Variants in PCM1 observed in about 807,000 individuals in gnomAD.
PCM1 encodes pericentriolar material 1 protein.
A neutral mutation model predicts 241.9 loss-of-function variants in PCM1; 157 were observed. The ratio of observed to expected loss-of-function variants is 0.65; its 90% CI spans 0.57 to 0.74. PCM1 has a LOEUF of 0.74. PCM1 is among the 30% of genes least tolerant of loss of function. The pLI, the probability that PCM1 is intolerant of heterozygous loss-of-function variation, is 0.00. For missense variants in PCM1, 3,478 were observed against 2,360.1 expected, an observed-to-expected ratio of 1.47 and a Z score of -9.81; for synonymous variants, 1,085 against 784.9, an observed-to-expected ratio of 1.38 and a Z score of -6.39.
At chr8:18,001,129 G>A (rs2089265922) in intron 29 of PCM1, among the ~76,000 whole-genome samples, 2 of 152,192 alleles carry the variant, frequency 1.3e-5, no homozygotes, top group South Asian at 4.1e-4. Context: ...TTTGTAAGTT[G>A]TACAAAAGCG....
At chr8:18,010,733 A>G in intron 32 of PCM1, 65 bp downstream of exon 32, 1 of 1,234,336 alleles carries the variant, frequency 8.1e-7, no homozygotes, top group Non-Finnish European at 1.1e-6. Flanking sequence ...CCGTAATCGC[A>G]GCCCTTTGGG....
At chr8:17,957,945 T>C (rs2069437941) in intron 13 of PCM1, among the ~76,000 whole-genome samples, 170 bp downstream of exon 13, 1 of 152,220 alleles carries the variant, frequency 6.6e-6, no homozygotes, top group Non-Finnish European at 1.5e-5. Flanking sequence ...GTCAGCAACC[T>C]TTTTAAATTA....
At chr8:17,966,301 C>T in intron 19 of PCM1, 27 bp from the exon 20 acceptor site, 1 of 1,611,466 alleles carries the variant, frequency 6.2e-7, no homozygotes, top group Middle Eastern at 1.7e-4. Context: ...TCATCAGTAA[C>T]TATTAACAAA....
chr8:17,995,885 C>A (rs2086526998), intron 29 of PCM1, among the ~76,000 whole-genome samples: 1 of 152,082 alleles, frequency 6.6e-6, no homozygotes, highest in South Asian at 2.1e-4. Flanking sequence ...ACTTTGTATC[C>A]TGCAACTTTA....
chr8:17,931,378 T>C (rs1456310292), intron 2 of PCM1, among the ~76,000 whole-genome samples: 1 of 151,672 alleles, frequency 6.6e-6, no homozygotes, highest in Non-Finnish European at 1.5e-5. Flanking sequence ...AACCTCTGCC[T>C]CCCGGGTTCA....
intron 23 of PCM1, among the ~76,000 whole-genome samples, chr8:17,978,540 C>T (rs1311360992): frequency 1.3e-5 from 2 of 151,894 alleles, no homozygotes; most frequent in African/African-American, 4.8e-5. Flanking sequence ...CCTTACCACA[C>T]AAGCAGAAGT....
At chr8:17,943,430 A>G (rs1441938416) in intron 6 of PCM1, among the ~76,000 whole-genome samples, 1 of 152,204 alleles carries the variant, frequency 6.6e-6, no homozygotes, top group Non-Finnish European at 1.5e-5. Context: ...ATGAAGCATA[A>G]TAGGTAACCA....
chr8:18,001,087 G>A (rs921991224), intron 29 of PCM1, among the ~76,000 whole-genome samples: 1 of 152,204 alleles, frequency 6.6e-6, no homozygotes, highest in African/African-American at 2.4e-5. Flanking sequence ...AAGGGGCCTT[G>A]CAACTGTGAT....
intron 8 of PCM1, among the ~76,000 whole-genome samples, chr8:17,951,424 A>G (rs1316687451): frequency 1.3e-5 from 2 of 152,220 alleles, no homozygotes; most frequent in African/African-American, 4.8e-5. Flanking sequence ...GGCCTACTTT[A>G]GAGAAACTCT....
intron 6 of PCM1, among the ~76,000 whole-genome samples, chr8:17,943,273 A>G (rs907220721): frequency 2.7e-5 from 4 of 148,360 alleles, no homozygotes; most frequent in African/African-American, 1.0e-4. Context: ...TCTGGTTCCT[A>G]CAAGAATTTG....
intron 36 of PCM1, 59 bp downstream of exon 36, chr8:18,014,899 A>G: frequency 7.1e-7 from 1 of 1,412,640 alleles, no homozygotes; most frequent in East Asian, 2.5e-5. Flanking sequence ...ATATTTCTTC[A>G]TTTTCAGATT....
chr8:17,938,627 TG>T (rs1476392268), intron 4 of PCM1, 112 bp from the exon 5 acceptor site: 1 of 702,396 alleles, frequency 1.4e-6, no homozygotes, highest in African/African-American at 1.8e-5. Flanking sequence ...CAAAGCTCTT[TG>T]TGTGCACCTT....
At chr8:17,954,425 C>G (rs1035163547) in intron 9 of PCM1, among the ~76,000 whole-genome samples, 2 of 126,470 alleles carry the variant, frequency 1.6e-5, no homozygotes, top group Admixed American at 7.8e-5. Flanking sequence ...GAAACTCCAT[C>G]TCAAAAAAAA....
intron 36 of PCM1, among the ~76,000 whole-genome samples, chr8:18,023,723 A>C (rs1326887233): frequency 1.3e-5 from 2 of 152,202 alleles, no homozygotes; most frequent in African/African-American, 4.8e-5. Context: ...AGTTCTTGCT[A>C]CAGTTACTGT....
chr8:17,931,885 T>C (rs2059142710), intron 2 of PCM1, among the ~76,000 whole-genome samples: 2 of 152,160 alleles, frequency 1.3e-5, no homozygotes, highest in Admixed American at 6.5e-5. Context: ...AATATATTTC[T>C]AGTATAAATA....
In PCM1 at chr8:18,029,172, A is replaced by G. The variant is rs2094396916; in HGVS notation, c.*1510A>G. The stretch of plus-strand genomic sequence containing the variant: ...ACTCTGTCTCAAAAAAAAAAAAAAA[A>G]AAAAAAAAAAGTTAACTTGCTGTAT... On this transcript the variant is annotated 3_prime_UTR_variant, in exon 39 of 39. Coordinates refer to ENST00000325083, the MANE Select transcript of PCM1 (RefSeq NM_006197.4). The G allele has an allele frequency of 5.4e-6, 1 of 186,184 alleles. No homozygotes were observed. Among genetic ancestry groups the G allele is most frequent in the Admixed American group, 6.1e-5 (1 of 16,262 alleles). 11.5% of individuals were successfully genotyped at this position (186,184 alleles called of 1,614,324 possible). A position where few individuals can be genotyped will look rare whatever the true frequency, so the allele number is the denominator to read the frequency against.
At chr8:17,962,816 T>C in intron 16 of PCM1, 1 of 216,044 alleles carries the variant, frequency 4.6e-6, no homozygotes, top group South Asian at 7.9e-5. Context: ...GGCAGGATAA[T>C]CACTTGAACC....
chr8:17,978,719 G>A (rs2079609690), intron 23 of PCM1, among the ~76,000 whole-genome samples: 1 of 151,928 alleles, frequency 6.6e-6, no homozygotes, highest in African/African-American at 2.4e-5. Flanking sequence ...CCTTTATACA[G>A]GGGAAGATAA....
intron 7 of PCM1, among the ~76,000 whole-genome samples, chr8:17,948,155 G>A (rs1312026700): frequency 6.6e-6 from 1 of 152,012 alleles, no homozygotes; most frequent in African/African-American, 2.4e-5. Context: ...AGTGAGTTAG[G>A]TTCTCACTGA....
Sources: gnomAD v4.1 joint callset for allele counts (sites outside exome capture counted in the v4.1 genomes callset) on GRCh38, gnomAD v4.1.1 for gene constraint, MANE v1.5 for transcripts, NCBI Gene and HGNC (gene_info 2026-07-23, HGNC 2026-07-21) for gene names.